The following CFAP97D2 variants were observed in gnomAD, a reference collection of about 807,000 sequenced individuals.
CFAP97D2 encodes CFAP97 domain containing 2.
chr13:114,184,871 T>A (rs1276202802), intron 1 of CFAP97D2, among the ~76,000 whole-genome samples: 1 of 152,268 alleles, frequency 6.6e-6, no homozygotes, highest in Non-Finnish European at 1.5e-5. Flanking sequence ...TAAAAGTTTG[T>A]TCAAAACCAT....
chr13:114,217,527 A>G (rs953622311), intron 4 of CFAP97D2, among the ~76,000 whole-genome samples: 3 of 152,236 alleles, frequency 2.0e-5, no homozygotes, highest in African/African-American at 7.2e-5. Context: ...TCATTTTATG[A>G]GGCCAGCATC....
At chr13:114,180,387 C>A (rs549029606) in intron 1 of CFAP97D2, among the ~76,000 whole-genome samples, 45 of 152,286 alleles carry the variant, frequency 3.0e-4, no homozygotes, top group African/African-American at 1.1e-3. Context: ...CAGCCCCCAC[C>A]CCACGTCAGG....
Position 114,192,748 on chromosome 13 carries a change from G to A in CFAP97D2, c.91-3648G>A, listed in dbSNP as rs188066080. Among the ~76,000 whole-genome samples the A allele has an allele frequency of 9.7e-4, 147 of 152,242 alleles. 1 individual carries two copies. Among genetic ancestry groups the A allele is most frequent in the African/African-American group, 3.0e-3 (124 of 41,542 alleles). On this transcript the variant is annotated intron_variant, in intron 1 of 4. Coordinates refer to ENST00000646158, the Ensembl canonical transcript of CFAP97D2. ...CATAAAATAATATCAAACAAAATCT[G>A]AAGCACACTTTAAATAATCTTAACC...
intron 4 of CFAP97D2, chr13:114,212,219 T>G (rs1329952566): frequency 2.5e-6 from 1 of 397,130 alleles, no homozygotes; most frequent in African/African-American, 2.1e-5. Flanking sequence ...GAGCATTTTG[T>G]TCAATTGTCA....
At position 114,206,248 on chromosome 13, in the gene CFAP97D2, G is replaced by A. The variant is rs574916777; in HGVS notation, c.291-5664G>A. 3.9e-3 allele frequency among the ~76,000 whole-genome samples: 600 copies of A among 152,062 alleles called. 6 individuals carry two copies. The highest frequency in any genetic ancestry group is 0.013 in the African/African-American group (549 of 41,472). ...CTCCCGAGTAGCTGGGATTACAGGC[G>A]CGTGCCACCACACCTGGCTAATTTT... On this transcript the variant is annotated intron_variant, in intron 3 of 4. Transcript: ENST00000646158.
chr13:114,194,545 G>C (rs1451256133), intron 1 of CFAP97D2, among the ~76,000 whole-genome samples: 1 of 152,044 alleles, frequency 6.6e-6, no homozygotes, highest in Non-Finnish European at 1.5e-5. Context: ...AAGGGAGATC[G>C]GGTCTCCATT....
At chr13:114,193,798 T>C (rs985339096) in intron 1 of CFAP97D2, among the ~76,000 whole-genome samples, 2 of 151,714 alleles carry the variant, frequency 1.3e-5, no homozygotes, top group Non-Finnish European at 2.9e-5. Context: ...GGTCAAGGAG[T>C]TGGCAAATGT....
At chr13:114,206,945 T>C (rs1470762230) in intron 3 of CFAP97D2, among the ~76,000 whole-genome samples, 1 of 152,204 alleles carries the variant, frequency 6.6e-6, no homozygotes, top group Non-Finnish European at 1.5e-5. Context: ...TGCTCCTGTA[T>C]GGGATCAGGG....
chr13:114,221,006 C>T (rs567193490), intron 4 of CFAP97D2, among the ~76,000 whole-genome samples: 6 of 152,306 alleles, frequency 3.9e-5, no homozygotes, highest in African/African-American at 9.6e-5. Flanking sequence ...CCCAGCACTT[C>T]GGGAGGCCGA....
intron 1 of CFAP97D2, among the ~76,000 whole-genome samples, chr13:114,195,400 G>C (rs1001075509): frequency 6.6e-6 from 1 of 152,128 alleles, no homozygotes; most frequent in African/African-American, 2.4e-5. Flanking sequence ...CCTCTGTGCT[G>C]TCACCACATT....
chr13:114,180,406 C>A (rs2080827989), intron 1 of CFAP97D2, among the ~76,000 whole-genome samples: 1 of 152,140 alleles, frequency 6.6e-6, no homozygotes, highest in African/African-American at 2.4e-5. Flanking sequence ...GGCCTCTGCA[C>A]CTGCTGTCTC....
intron 1 of CFAP97D2, among the ~76,000 whole-genome samples, chr13:114,194,633 A>G (rs914467675): frequency 2.0e-5 from 3 of 152,126 alleles, no homozygotes; most frequent in African/African-American, 4.8e-5. Flanking sequence ...GCCAAAACCA[A>G]TCTTTACAAT....
chr13:114,184,942 T>C (rs546065027), intron 1 of CFAP97D2, among the ~76,000 whole-genome samples: 132 of 152,376 alleles, frequency 8.7e-4, no homozygotes, highest in African/African-American at 2.9e-3. Flanking sequence ...GTGATACACA[T>C]ACACCTGCTT....
At chr13:114,200,528 C>A in intron 3 of CFAP97D2, 85 bp downstream of exon 3, 1 of 396,880 alleles carries the variant, frequency 2.5e-6, no homozygotes, top group East Asian at 3.6e-5. Context: ...AGAAGAGCTG[C>A]CCGTGGGTGG....
At chr13:114,204,289 A>G (rs2080930181) in intron 3 of CFAP97D2, among the ~76,000 whole-genome samples, 1 of 152,202 alleles carries the variant, frequency 6.6e-6, no homozygotes, top group South Asian at 2.1e-4. Context: ...GTGTCTGGTA[A>G]TAGCTCGGCA....
Position 114,184,393 on chromosome 13 carries a change from G to A in CFAP97D2, c.90+4973G>A, listed in dbSNP as rs544244872. On this transcript the variant is annotated intron_variant, in intron 1 of 4. Coordinates refer to ENST00000646158, the Ensembl canonical transcript of CFAP97D2. ...AAGCCACAGATCCAAGAGGTTCAAA[G>A]AATGCCAAAAAGGATAAATGCCCAG... 5.3e-5 allele frequency among the ~76,000 whole-genome samples: 8 copies of A among 152,306 alleles called. No individual in the cohort carries two copies. The East Asian group carries it at 1.5e-3, about 29-fold the overall frequency.
chr13:114,208,052 G>C (rs1306947394), intron 3 of CFAP97D2, among the ~76,000 whole-genome samples: 1 of 152,170 alleles, frequency 6.6e-6, no homozygotes, highest in East Asian at 1.9e-4. Flanking sequence ...TGGGACCTCA[G>C]CTCACTCTGC....
intron 4 of CFAP97D2, among the ~76,000 whole-genome samples, chr13:114,218,779 G>C (rs923626598): frequency 3.9e-5 from 6 of 152,144 alleles, no homozygotes; most frequent in African/African-American, 1.2e-4. Flanking sequence ...AATGGGGAAA[G>C]GATTCCCTAT....
At chr13:114,193,943 A>C (rs1451973194) in intron 1 of CFAP97D2, among the ~76,000 whole-genome samples, 1 of 152,192 alleles carries the variant, frequency 6.6e-6, no homozygotes, top group Non-Finnish European at 1.5e-5. Context: ...AAGTTAATAC[A>C]ATAGACTGAA....
Sources: gnomAD v4.1 joint callset for allele counts (sites outside exome capture counted in the v4.1 genomes callset) on GRCh38, gnomAD v4.1.1 for gene constraint, MANE v1.5 for transcripts, NCBI Gene and HGNC (gene_info 2026-07-23, HGNC 2026-07-21) for gene names.